The following ZDHHC14 variants were observed in gnomAD, a reference collection of about 807,000 sequenced individuals.
ZDHHC14 encodes the protein palmitoyltransferase ZDHHC14.
A neutral mutation model predicts 47.7 loss-of-function variants in ZDHHC14; 16 were observed. The ratio of observed to expected loss-of-function variants is 0.34; its 90% CI spans 0.23 to 0.51. The LOEUF (loss-of-function observed/expected upper bound fraction) is 0.51, where lower values mean the gene tolerates loss of function less well. ZDHHC14 is among the 20% of genes least tolerant of loss of function. The pLI is 0.97. For synonymous variants in ZDHHC14, 293 were observed against 278.9 expected, an observed-to-expected ratio of 1.05 and a Z score of -0.50; for missense variants, 515 against 662.5, an observed-to-expected ratio of 0.78 and a Z score of 2.44.
intron 1 of ZDHHC14, among the ~76,000 whole-genome samples, chr6:157,458,849 A>ATTTTTTTTTGTTTTTTTTTTTTTTTTTTT: frequency 1.2e-5 from 1 of 81,226 alleles, no homozygotes; most frequent in Non-Finnish European, 2.3e-5. Flanking sequence ...ATGTGGGTGG[A>ATTTTTTTTTGTTTTTTTTTTTTTTTTTTT]TTTTTTTTTT....
intron 1 of ZDHHC14, among the ~76,000 whole-genome samples, chr6:157,433,058 T>C (rs1356219451): frequency 2.0e-5 from 3 of 152,256 alleles, no homozygotes; most frequent in Non-Finnish European, 4.4e-5. Context: ...CCAAGAGCGG[T>C]GTGCCTGTGT....
intron 1 of ZDHHC14, among the ~76,000 whole-genome samples, chr6:157,504,804 T>C (rs1015082311): frequency 9.2e-5 from 14 of 152,008 alleles, no homozygotes; most frequent in African/African-American, 3.4e-4. Context: ...TGTTTTGTTT[T>C]GTTTTGTTTT....
intron 2 of ZDHHC14, among the ~76,000 whole-genome samples, chr6:157,570,067 C>A (rs553765305): frequency 5.2e-4 from 79 of 152,306 alleles, no homozygotes; most frequent in African/African-American, 1.9e-3. Context: ...TAAATAGCAT[C>A]CCCTGCTTCT....
At chr6:157,620,379 T>G (rs148731216) in intron 3 of ZDHHC14, among the ~76,000 whole-genome samples, 625 of 152,324 alleles carry the variant, frequency 4.1e-3, no homozygotes, top group Non-Finnish European at 6.7e-3. Flanking sequence ...ATAGTCAGAT[T>G]TCTTATCCTC....
At position 157,674,574 on chromosome 6, in the gene ZDHHC14, G is replaced by T. The variant is rs1185874682; in HGVS notation, c.*1452G>T. ...AAATCTAACAGCTAAAGCTACTCAA[G>T]TTCAAAGCCATGGCCTTGCTCCTTA... On this transcript the variant is annotated 3_prime_UTR_variant, in exon 9 of 9. Transcript: ENST00000359775. The T allele has an allele frequency of 6.6e-6, 1 of 152,166 alleles. No homozygotes were observed. Among genetic ancestry groups the T allele is most frequent in the African/African-American group, 2.4e-5 (1 of 41,430 alleles). 9.4% of individuals were successfully genotyped at this position (152,166 alleles called of 1,614,324 possible).
At chr6:157,568,074 C>G (rs146699547) in intron 2 of ZDHHC14, among the ~76,000 whole-genome samples, 2,062 of 152,260 alleles carry the variant, frequency 0.014, 60 homozygotes, top group African/African-American at 0.046. Context: ...GAGGGGACAT[C>G]TTTCAAAAAT....
intron 3 of ZDHHC14, among the ~76,000 whole-genome samples, chr6:157,624,228 A>G (rs954672188): frequency 6.6e-6 from 1 of 152,214 alleles, no homozygotes; most frequent in African/African-American, 2.4e-5. Flanking sequence ...ATTGGAAGGT[A>G]TAACTCTAGC....
At chr6:157,573,583 G>T (rs183030610) in intron 2 of ZDHHC14, among the ~76,000 whole-genome samples, 495 of 152,210 alleles carry the variant, frequency 3.3e-3, no homozygotes, top group African/African-American at 0.011. Context: ...TCCCTCCTAC[G>T]CCCTTCATGA....
Position 157,524,020 on chromosome 6 carries a change from T to C in ZDHHC14, c.246-18565T>C, listed in dbSNP as rs139064804. ...ATGGTTGGTGGTATCTAACACAGGG[T>C]TACAGAAATGCAGCTGGAAGAGATT... On this transcript the variant is annotated intron_variant, in intron 1 of 8. Coordinates refer to ENST00000359775, the MANE Select transcript of ZDHHC14 (RefSeq NM_024630.3). 3.9e-3 allele frequency among the ~76,000 whole-genome samples: 596 copies of C among 152,336 alleles called. 4 individuals carry two copies. Among genetic ancestry groups the C allele is most frequent in the African/African-American group, 0.014 (572 of 41,578 alleles).
At chr6:157,477,186 C>T (rs960997230) in intron 1 of ZDHHC14, among the ~76,000 whole-genome samples, 8 of 152,166 alleles carry the variant, frequency 5.3e-5, no homozygotes, top group Non-Finnish European at 1.0e-4. Context: ...TCGAGGCCAG[C>T]CTGACCAACA....
chr6:157,548,091 A>G (rs1440480943), intron 2 of ZDHHC14, among the ~76,000 whole-genome samples: 1 of 149,832 alleles, frequency 6.7e-6, no homozygotes, highest in East Asian at 1.9e-4. Flanking sequence ...ACTGTTGAAT[A>G]TACACCCCTC....
intron 1 of ZDHHC14, among the ~76,000 whole-genome samples, chr6:157,473,053 C>T (rs1779390772): frequency 6.6e-6 from 1 of 152,200 alleles, no homozygotes; most frequent in Admixed American, 6.5e-5. Context: ...ATGAACAAAA[C>T]TGTGTATATG....
chr6:157,653,969 C>T (rs888864206), intron 8 of ZDHHC14, among the ~76,000 whole-genome samples: 1 of 152,150 alleles, frequency 6.6e-6, no homozygotes, highest in Non-Finnish European at 1.5e-5. Flanking sequence ...GGCTCATGAT[C>T]TTCCATTTCC....
At chr6:157,524,832 T>C (rs111988565) in intron 1 of ZDHHC14, among the ~76,000 whole-genome samples, 2,398 of 152,376 alleles carry the variant, frequency 0.016, 66 homozygotes, top group African/African-American at 0.055. Context: ...GAATATCCCA[T>C]TTCATTTGAT....
At chr6:157,625,890 G>A (rs1021029877) in intron 3 of ZDHHC14, among the ~76,000 whole-genome samples, 2 of 152,124 alleles carry the variant, frequency 1.3e-5, no homozygotes, top group Non-Finnish European at 2.9e-5. Context: ...GGCTACCGGA[G>A]AGCCAGGAGT....
At chr6:157,668,031 T>C (rs1362081465) in intron 8 of ZDHHC14, among the ~76,000 whole-genome samples, 1 of 152,162 alleles carries the variant, frequency 6.6e-6, no homozygotes, top group Non-Finnish European at 1.5e-5. Flanking sequence ...CTGGTCCCCG[T>C]GTGCCCCAAC....
intron 1 of ZDHHC14, among the ~76,000 whole-genome samples, chr6:157,406,464 T>C (rs1266976179): frequency 6.6e-6 from 1 of 152,232 alleles, no homozygotes; most frequent in Non-Finnish European, 1.5e-5. Flanking sequence ...GAGCGCTGGA[T>C]GGAATTTGGC....
chr6:157,527,854 G>T (rs772634054), intron 1 of ZDHHC14, among the ~76,000 whole-genome samples: 5 of 152,146 alleles, frequency 3.3e-5, no homozygotes, highest in Non-Finnish European at 5.9e-5. Flanking sequence ...AATGTATGAC[G>T]CAAGCCTAAG....
At chr6:157,402,605 G>T (rs555857915) in intron 1 of ZDHHC14, among the ~76,000 whole-genome samples, 5 of 152,214 alleles carry the variant, frequency 3.3e-5, no homozygotes, top group African/African-American at 1.2e-4. Flanking sequence ...TCTCTTCAGT[G>T]TGAGATTTTT....
Sources: allele counts gnomAD v4.1 joint callset (sites outside exome capture counted in the v4.1 genomes callset), GRCh38; gene constraint gnomAD v4.1.1; transcripts MANE v1.5; gene names NCBI Gene and HGNC (gene_info 2026-07-23, HGNC 2026-07-21).